Variants in PPP1R16B observed in about 807,000 individuals in gnomAD.
The protein encoded by PPP1R16B is protein phosphatase 1 regulatory inhibitor subunit 16B.
A neutral mutation model predicts 61.7 loss-of-function variants in PPP1R16B; 14 were observed. The ratio of observed to expected loss-of-function variants is 0.23; its 90% CI spans 0.15 to 0.35. The LOEUF (loss-of-function observed/expected upper bound fraction) is 0.35. Among genes scored for constraint, PPP1R16B ranks in the 10% least tolerant of loss-of-function variants. The pLI, the probability that PPP1R16B is intolerant of heterozygous loss-of-function variation, is 1.00. For synonymous variants in PPP1R16B, 266 were observed against 305.3 expected, an observed-to-expected ratio of 0.87 and a Z score of 1.34; for missense variants, 547 against 752.5, an observed-to-expected ratio of 0.73 and a Z score of 3.19.
intron 2 of PPP1R16B, among the ~76,000 whole-genome samples, chr20:38,884,956 A>G (rs924435552): frequency 6.9e-6 from 1 of 143,956 alleles, no homozygotes; most frequent in Non-Finnish European, 1.5e-5. Flanking sequence ...CTGTAGTCCC[A>G]GGTACTTGGG....
intron 2 of PPP1R16B, among the ~76,000 whole-genome samples, chr20:38,883,003 C>T (rs936078535): frequency 6.6e-6 from 1 of 152,172 alleles, no homozygotes; most frequent in Non-Finnish European, 1.5e-5. Flanking sequence ...AGGTGTGGAG[C>T]AGGCAGGGAC....
intron 1 of PPP1R16B, among the ~76,000 whole-genome samples, chr20:38,814,043 C>T (rs144767055): frequency 2.3e-3 from 357 of 152,122 alleles, no homozygotes; most frequent in African/African-American, 7.7e-3. Context: ...GTGATCCACC[C>T]GGCTCGGCCT....
intron 1 of PPP1R16B, among the ~76,000 whole-genome samples, chr20:38,819,528 A>C (rs1220791780): frequency 6.6e-6 from 1 of 152,100 alleles, no homozygotes; most frequent in East Asian, 1.9e-4. Flanking sequence ...ACTATAGAAG[A>C]CTTTTTTCAT....
chr20:38,876,075 C>A (rs988999526), intron 2 of PPP1R16B, among the ~76,000 whole-genome samples: 32 of 147,270 alleles, frequency 2.2e-4, no homozygotes, highest in African/African-American at 7.8e-4. Flanking sequence ...CGGGTTCGGG[C>A]GATTCTCCTG....
At chr20:38,820,466 G>A (rs1384533919) in intron 1 of PPP1R16B, among the ~76,000 whole-genome samples, 1 of 152,050 alleles carries the variant, frequency 6.6e-6, no homozygotes, top group Non-Finnish European at 1.5e-5. Flanking sequence ...GCTGAGGCAG[G>A]AGAATTGCTT....
Position 38,918,486 on chromosome 20 carries a change from G to A in PPP1R16B, c.1524G>A (p.Arg508=). The A allele has an allele frequency of 6.2e-7, 1 of 1,612,188 alleles. No individual in the cohort carries two copies. The change falls in exon 11 of 11, where the codon AGG becomes AGA. Residue 508 remains arginine (R), a synonymous_variant. Transcript: ENST00000299824. The surrounding 1 kb of genome is among the most constrained non-coding windows in gnomAD (Gnocchi z 5.3). The part of the protein sequence containing the change: ...LSTHLGSSMA[R]TGESSSEGKA... The stretch of plus-strand genomic sequence containing the variant: ...CACACCTGGGCAGCAGCATGGCCAG[G>A]ACGGGCGAGAGTAGCAGTGAAGGCA...
At chr20:38,875,198 T>C (rs948938030) in intron 2 of PPP1R16B, among the ~76,000 whole-genome samples, 13 of 152,312 alleles carry the variant, frequency 8.5e-5, no homozygotes, top group African/African-American at 2.9e-4. Flanking sequence ...TACATCACTC[T>C]ACCTACATCC....
intron 6 of PPP1R16B, among the ~76,000 whole-genome samples, chr20:38,903,020 G>A (rs561928790): frequency 6.6e-6 from 1 of 152,346 alleles, no homozygotes; most frequent in East Asian, 1.9e-4. Context: ...CACACCTGTA[G>A]TCCCAGCTAC....
intron 2 of PPP1R16B, among the ~76,000 whole-genome samples, chr20:38,877,952 G>GTTTTTTTT (rs34151516): frequency 1.7e-5 from 1 of 57,776 alleles, no homozygotes; most frequent in African/African-American, 5.8e-5. Context: ...GCACACAGTT[G>GTTTTTTTT]TTTTTTTTTT....
chr20:38,844,115 T>C (rs1259460687), intron 2 of PPP1R16B, among the ~76,000 whole-genome samples: 1 of 152,240 alleles, frequency 6.6e-6, no homozygotes, highest in Non-Finnish European at 1.5e-5. Context: ...TACCCATGTG[T>C]ACTTTTTTTT....
chr20:38,867,369 G>A (rs1254364509), intron 2 of PPP1R16B, among the ~76,000 whole-genome samples: 1 of 152,178 alleles, frequency 6.6e-6, no homozygotes, highest in Admixed American at 6.5e-5. Flanking sequence ...GTCCAACTCA[G>A]GAGTCACCAG....
At chr20:38,899,007 C>A (rs1336389027) in intron 4 of PPP1R16B, among the ~76,000 whole-genome samples, 2 of 152,200 alleles carry the variant, frequency 1.3e-5, no homozygotes, top group Non-Finnish European at 2.9e-5. Context: ...AGAGCTGAGA[C>A]AGAGCCAGAC....
intron 2 of PPP1R16B, among the ~76,000 whole-genome samples, chr20:38,854,325 C>T (rs2145731681): frequency 6.6e-6 from 1 of 152,248 alleles, no homozygotes; most frequent in African/African-American, 2.4e-5. Flanking sequence ...TTTTATTAGC[C>T]TATTAGCTGC....
At chr20:38,835,254 G>A (rs906546360) in intron 1 of PPP1R16B, among the ~76,000 whole-genome samples, 1 of 152,210 alleles carries the variant, frequency 6.6e-6, no homozygotes, top group Non-Finnish European at 1.5e-5. Context: ...GAGCAGAAGT[G>A]TCAGATGTTC....
chr20:38,898,811 A>AAACAACAACAACAAC (rs145367321), intron 4 of PPP1R16B, among the ~76,000 whole-genome samples: 4,559 of 150,182 alleles, frequency 0.03, 87 homozygotes, highest in Middle Eastern at 0.076. Context: ...CCTTGTTTCA[A>AAACAACAACAACAAC]AACAACAACA....
chr20:38,843,114 A>C (rs964651909), intron 2 of PPP1R16B, among the ~76,000 whole-genome samples: 1 of 152,220 alleles, frequency 6.6e-6, no homozygotes, highest in African/African-American at 2.4e-5. Flanking sequence ...AAAACCTGAG[A>C]ACTCCTAAAA....
chr20:38,839,446 G>T (rs903625117), intron 2 of PPP1R16B, among the ~76,000 whole-genome samples: 1 of 152,104 alleles, frequency 6.6e-6, no homozygotes, highest in African/African-American at 2.4e-5. Flanking sequence ...ATCAATCAAC[G>T]TAGAAGTGTA....
intron 4 of PPP1R16B, among the ~76,000 whole-genome samples, chr20:38,896,105 CCCCTCCCTTCCTTCTTTCTTCCCTTCCT>C (rs2085343619): frequency 9.0e-6 from 1 of 111,348 alleles, no homozygotes; most frequent in Non-Finnish European, 1.7e-5. Context: ...TCTTCTGTCT[CCCCTCCCTTCCTTCTTTCTTCCCTTCCT>C]CCCTCCTTTC....
At chr20:38,831,401 G>A (rs1400622071) in intron 1 of PPP1R16B, among the ~76,000 whole-genome samples, 1 of 152,252 alleles carries the variant, frequency 6.6e-6, no homozygotes. Context: ...CCTAGCTGCT[G>A]TGTTCACCCT....
Sources: allele counts gnomAD v4.1 joint callset (sites outside exome capture counted in the v4.1 genomes callset), GRCh38; gene constraint gnomAD v4.1.1; non-coding constraint Gnocchi (gnomAD v3.1); transcripts MANE v1.5; gene names NCBI Gene and HGNC (gene_info 2026-07-23, HGNC 2026-07-21).